The following SPG11 variants were observed in gnomAD, a reference collection of about 807,000 sequenced individuals.
SPG11 encodes spatacsin.
SPG11 carries 222 observed loss-of-function variants against 274.0 expected under a neutral mutation model. The ratio of observed to expected loss-of-function variants is 0.81; its 90% CI spans 0.73 to 0.91. The LOEUF is 0.91. Among genes scored for constraint, SPG11 ranks in the 40% least tolerant of loss-of-function variants. The pLI, the probability that SPG11 is intolerant of heterozygous loss-of-function variation, is 0.00. For missense variants in SPG11, 3,114 were observed against 2,872.7 expected, an observed-to-expected ratio of 1.08 and a Z score of -1.92; for synonymous variants, 1,144 against 1,039.7, an observed-to-expected ratio of 1.10 and a Z score of -1.93.
intron 8 of SPG11, among the ~76,000 whole-genome samples, chr15:44,632,685 T>A (rs1368467913): frequency 6.6e-6 from 1 of 152,000 alleles, no homozygotes; most frequent in Non-Finnish European, 1.5e-5. Flanking sequence ...TTTTTAAAAT[T>A]CTTTTGTAGA....
At position 44,629,401 on chromosome 15, in the gene SPG11, C is replaced by G. The variant is rs745391825; in HGVS notation, c.1736-13G>C. 2 of 1,613,100 alleles carry G rather than the reference C, an allele frequency of 1.2e-6. No individual in the cohort carries two copies. Among genetic ancestry groups the G allele is most frequent in the South Asian group, 2.2e-5 (2 of 91,032 alleles). ...AGCTCTTCCACATCTGAGAAAGAAC[C>G]AAAGAAATTAACATAAAGAACACCA... On this transcript the variant is annotated splice_polypyrimidine_tract_variant and intron_variant, in intron 8 of 39. Transcript: ENST00000261866.
intron 17 of SPG11, among the ~76,000 whole-genome samples, chr15:44,612,197 T>C (rs1446664191): frequency 6.6e-6 from 1 of 152,204 alleles, no homozygotes; most frequent in Non-Finnish European, 1.5e-5. Flanking sequence ...AGATGTTTCT[T>C]GTTGTTCTAC....
In SPG11 at chr15:44,588,280, T is replaced by A. The variant is rs772639533; in HGVS notation, c.4906+972A>T. 2.6e-5 allele frequency among the ~76,000 whole-genome samples: 4 copies of A among 151,292 alleles called. No individual in the cohort carries two copies. In the South Asian group the frequency reaches 8.3e-4, roughly 31 times the overall value. On this transcript the variant is annotated intron_variant, in intron 28 of 39. Transcript: ENST00000261866. ...GCAACAAGTTTAGAGACTGCCAACATCTTGAGGAATCTGCAAAAAAAAAAA... is the reference window on the plus strand; with the variant it reads ...GCAACAAGTTTAGAGACTGCCAACAACTTGAGGAATCTGCAAAAAAAAAAA...
intron 5 of SPG11, 59 bp downstream of exon 5, chr15:44,652,070 C>CAGT: frequency 6.2e-7 from 1 of 1,602,250 alleles, no homozygotes; most frequent in Non-Finnish European, 8.5e-7. Context: ...TGAAAGGGTA[C>CAGT]AGCGTCAGCA....
chr15:44,615,239 C>T, intron 16 of SPG11, 124 bp downstream of exon 16: 2 of 939,576 alleles, frequency 2.1e-6, no homozygotes, highest in South Asian at 2.6e-5. Context: ...GAGAAAACTA[C>T]CTCAAAAAGA....
At chr15:44,640,421 A>G in intron 7 of SPG11, among the ~76,000 whole-genome samples, 1 of 152,200 alleles carries the variant, frequency 6.6e-6, no homozygotes, top group East Asian at 1.9e-4. Context: ...TAAATATCCT[A>G]AAGACGCCAT....
chr15:44,655,980 C>T (rs1452835336), intron 4 of SPG11, among the ~76,000 whole-genome samples: 1 of 151,940 alleles, frequency 6.6e-6, no homozygotes, highest in Non-Finnish European at 1.5e-5. Flanking sequence ...CTGGGAGAAA[C>T]TGTAACTGTG....
chr15:44,656,721 C>T (rs76974102), intron 4 of SPG11, among the ~76,000 whole-genome samples: 2,985 of 152,150 alleles, frequency 0.02, 110 homozygotes, highest in African/African-American at 0.068. Context: ...ATTTAAAGAA[C>T]AAATCATGAA....
At chr15:44,574,656 G>T (rs1280786850) in intron 31 of SPG11, among the ~76,000 whole-genome samples, 1 of 152,102 alleles carries the variant, frequency 6.6e-6, no homozygotes, top group Non-Finnish European at 1.5e-5. Flanking sequence ...ACGAAACAGG[G>T]GCCCACAGCC....
chr15:44,654,162 T>C (rs1726187994), intron 4 of SPG11, among the ~76,000 whole-genome samples: 1 of 152,200 alleles, frequency 6.6e-6, no homozygotes, highest in African/African-American at 2.4e-5. Flanking sequence ...GTCAGGTATG[T>C]CATGAATGCA....
intron 20 of SPG11, among the ~76,000 whole-genome samples, chr15:44,602,445 T>C (rs2083217925): frequency 6.6e-6 from 1 of 152,140 alleles, no homozygotes; most frequent in Non-Finnish European, 1.5e-5. Context: ...TCCTAAATGC[T>C]TTTTCTGCAT....
intron 15 of SPG11, 117 bp downstream of exon 15, chr15:44,620,073 A>G: frequency 2.3e-6 from 2 of 852,356 alleles, no homozygotes; most frequent in East Asian, 5.2e-5. Context: ...TTTTATAGTA[A>G]TATGAAACAA....
intron 20 of SPG11, among the ~76,000 whole-genome samples, chr15:44,605,743 T>A (rs1181044219): frequency 6.6e-6 from 1 of 152,236 alleles, no homozygotes; most frequent in Non-Finnish European, 1.5e-5. Context: ...TTAATTTTTA[T>A]GATACTATAC....
intron 22 of SPG11, 60 bp from the exon 23 acceptor site, chr15:44,598,433 C>G: frequency 6.6e-7 from 1 of 1,507,120 alleles, no homozygotes; most frequent in Admixed American, 1.7e-5. Context: ...CTGAGCATTT[C>G]TGTTTGAATA....
At chr15:44,607,266 G>A (rs1007997595) in intron 19 of SPG11, among the ~76,000 whole-genome samples, 1 of 152,150 alleles carries the variant, frequency 6.6e-6, no homozygotes, top group Admixed American at 6.6e-5. Flanking sequence ...AGAGTAAGAG[G>A]GAGTTTGTGC....
At chr15:44,569,369 C>T in intron 35 of SPG11, 29 bp downstream of exon 35, 1 of 1,458,332 alleles carries the variant, frequency 6.9e-7, no homozygotes, top group Non-Finnish European at 9.5e-7. Flanking sequence ...CAGTACACCC[C>T]ATCCTGGAGC....
chr15:44,602,108 G>T (rs1200817113), intron 20 of SPG11, among the ~76,000 whole-genome samples: 5 of 152,158 alleles, frequency 3.3e-5, no homozygotes, highest in African/African-American at 1.2e-4. Flanking sequence ...AGTTCTAACA[G>T]TTTTACTGGT....
At chr15:44,644,678 T>C (rs903936329) in intron 7 of SPG11, among the ~76,000 whole-genome samples, 4 of 152,124 alleles carry the variant, frequency 2.6e-5, no homozygotes, top group African/African-American at 7.2e-5. Flanking sequence ...GAACACCCCA[T>C]AGTCTCTGTT....
intron 30 of SPG11, among the ~76,000 whole-genome samples, chr15:44,576,606 G>T (rs964166242): frequency 6.6e-6 from 1 of 150,432 alleles, no homozygotes; most frequent in Non-Finnish European, 1.5e-5. Context: ...TGGAGATTGC[G>T]CCACTGCACT....
Sources: allele counts gnomAD v4.1 joint callset (sites outside exome capture counted in the v4.1 genomes callset), GRCh38; gene constraint gnomAD v4.1.1; transcripts MANE v1.5; gene names NCBI Gene and HGNC (gene_info 2026-07-23, HGNC 2026-07-21).